TMEM205: variants seen among roughly 807,000 people sequenced by gnomAD.
The protein encoded by TMEM205 is MBC3205.
TMEM205 carries 11 observed loss-of-function variants against 17.9 expected under a neutral mutation model. The observed-to-expected ratio is 0.61, with a 90% confidence interval of 0.39 to 1.02. The LOEUF (loss-of-function observed/expected upper bound fraction) is 1.02. TMEM205 is among the 50% of genes least tolerant of loss of function. The pLI is 0.01. For missense variants in TMEM205, 236 were observed against 239.4 expected, an observed-to-expected ratio of 0.99 and a Z score of 0.09; for synonymous variants, 86 against 97.4, an observed-to-expected ratio of 0.88 and a Z score of 0.69.
At chr19:11,344,275 A>G (rs1225703746) in intron 2 of TMEM205, among the ~76,000 whole-genome samples, 2 of 151,970 alleles carry the variant, frequency 1.3e-5, no homozygotes, top group African/African-American at 4.8e-5. Context: ...TGTTTTTGCC[A>G]TTCTCACATT....
chr19:11,344,234 C>T (rs143223945), intron 2 of TMEM205, among the ~76,000 whole-genome samples: 14 of 151,982 alleles, frequency 9.2e-5, no homozygotes, highest in Admixed American at 5.3e-4. Context: ...TGAGCCACTG[C>T]GCCCAGCCTA....
At chr19:11,344,130 A>T (rs1318022918) in intron 2 of TMEM205, among the ~76,000 whole-genome samples, 1 of 151,700 alleles carries the variant, frequency 6.6e-6, no homozygotes, top group Non-Finnish European at 1.5e-5. Flanking sequence ...TTTTTAGTAG[A>T]GACGGGGTTT....
In TMEM205 at chr19:11,345,163, T is replaced by C. The variant is rs78826738; in HGVS notation, c.264+89A>G. On this transcript the variant is annotated intron_variant, in intron 2 of 2. Coordinates refer to ENST00000354882, the MANE Select transcript of TMEM205 (RefSeq NM_198536.3). ...GAGCCACCATGCCTAGCCTTTTTTT[T>C]TCCCCCCCTGGAAAAGGTGTAGCCA... is the stretch of plus-strand genomic sequence containing the variant. 9.6e-4 allele frequency: 1,363 copies of C among 1,422,862 alleles called. 4 individuals carry two copies. The African/African-American group carries it at 9.8e-3, about 10-fold the overall frequency. The allele number at this position is 1,422,862 out of a possible 1,614,324, so 88.1% of individuals were successfully genotyped here.
chr19:11,346,340 A>T (rs2144607115), upstream of TMEM205: 1 of 551,788 alleles, frequency 1.8e-6, no homozygotes, highest in South Asian at 2.2e-5. Context: ...GCACCTTTCT[A>T]TCCCGCCCTC....
chr19:11,345,929 G>A lies in TMEM205; in HGVS notation c.-310C>T. ...CAGATCATAGCCCTAGGTCTTCAGA[G>A]ATCACTCCACTAATTCCCAAATATC... On this transcript the variant is annotated 5_prime_UTR_variant, in exon 1 of 3. Coordinates refer to ENST00000354882, the MANE Select transcript of TMEM205 (RefSeq NM_198536.3). The A allele has an allele frequency of 2.9e-6, 1 of 347,664 alleles. No individual in the cohort carries two copies. The highest frequency in any genetic ancestry group is 5.4e-6 in the Non-Finnish European group (1 of 186,508). 21.5% of individuals were successfully genotyped at this position (347,664 alleles called of 1,614,324 possible).
chr19:11,343,149 GC>G, intron 2 of TMEM205, 29 bp from the exon 3 acceptor site: 1 of 1,592,918 alleles, frequency 6.3e-7, no homozygotes, highest in Non-Finnish European at 8.6e-7. Flanking sequence ...GAGAAGGTGA[GC>G]CATGCCTGGG....
rs771000606 is a variant in TMEM205 at position 11,345,340 on chromosome 19, T to C, written c.176A>G (p.His59Arg). The C allele has an allele frequency of 6.2e-6, 10 of 1,613,964 alleles. 1 individual carries two copies. The African/African-American group carries it at 1.3e-4, about 22-fold the overall frequency. Reference protein sequence around the residue: ...VQSKLFPFYFHISMGCAFINL... With the variant: ...VQSKLFPFYFRISMGCAFINL... ...GATGAAGGCACAGCCCATGGAGATG[T>C]GGAAGTAGAAGGGGAAGAGTTTGCT... is the stretch of plus-strand genomic sequence containing the variant. The change falls in exon 2 of 3, where the codon CAC (histidine) becomes CGC (arginine). Residue 59 changes from histidine (H) to arginine (R), a missense_variant. Transcript: ENST00000354882.
In TMEM205 at chr19:11,345,589, T is replaced by G; in HGVS notation, c.31A>C (p.Ile11Leu). 1 of 1,613,998 alleles carries G rather than the reference T, an allele frequency of 6.2e-7. No homozygotes were observed. The highest frequency in any genetic ancestry group is 1.3e-5 in the African/African-American group (1 of 75,018). Residue 11 changes from isoleucine (I) to leucine (L), a missense_variant, in exon 1 of 3, where the codon ATT (isoleucine) becomes CTT (leucine). Transcript: ENST00000354882. Reference sequence around the variant, plus strand: ...AAGACCAGTAGATGGACCATCTTAATCAGGCCTCCTAGGTTCCCGCCTTCC... The same window carrying G: ...AAGACCAGTAGATGGACCATCTTAAGCAGGCCTCCTAGGTTCCCGCCTTCC... The part of the protein sequence containing the change: MEEGGNLGGL[I>L]KMVHLLVLSG...
intron 2 of TMEM205, chr19:11,344,633 A>G (rs1277591538): frequency 6.6e-6 from 1 of 152,322 alleles, no homozygotes; most frequent in Non-Finnish European, 1.5e-5. Context: ...AGCTCAGCTG[A>G]GTCACCACAG....
At position 11,345,419 on chromosome 19, in the gene TMEM205, C is replaced by T. The variant is rs767462068; in HGVS notation, c.101-4G>A. On this transcript the variant is annotated splice_polypyrimidine_tract_variant and splice_region_variant and intron_variant, in intron 1 of 2. Coordinates refer to ENST00000354882, the MANE Select transcript of TMEM205 (RefSeq NM_198536.3). ...AGGCTTCGGAAAAGCAGGAAGCCTG[C>T]AGGGTATGGGGACCACAGGGGTGTT... The T allele has an allele frequency of 1.4e-5, 23 of 1,614,002 alleles. No individual in the cohort carries two copies. Among genetic ancestry groups the T allele is most frequent in the Non-Finnish European group, 1.9e-5 (23 of 1,180,006 alleles).
intron 2 of TMEM205, 87 bp from the exon 3 acceptor site, chr19:11,343,207 C>T: frequency 1.0e-6 from 1 of 977,548 alleles, no homozygotes. Context: ...CTCAACAGCA[C>T]AGGGGTGGGG....
intron 2 of TMEM205, among the ~76,000 whole-genome samples, chr19:11,343,465 T>C (rs543939368): frequency 3.0e-4 from 46 of 152,262 alleles, no homozygotes; most frequent in Non-Finnish European, 5.0e-4. Flanking sequence ...GAAGCTGACA[T>C]TGGACCCACA....
In TMEM205 at chr19:11,345,770, A is replaced by T; in HGVS notation, c.-151T>A. On this transcript the variant is annotated 5_prime_UTR_variant, in exon 1 of 3. Coordinates refer to ENST00000354882, the MANE Select transcript of TMEM205 (RefSeq NM_198536.3). ...AGCATCCCGGGAATGAGAGTGAGAA[A>T]GGCCCAAAGCAGTCAAGGCCCAAAG... The T allele has an allele frequency of 7.0e-7, 1 of 1,425,660 alleles. No homozygotes were observed. 88.3% of individuals were successfully genotyped at this position (1,425,660 alleles called of 1,614,324 possible).
At position 11,345,527 on chromosome 19, in the gene TMEM205, G is replaced by A. The variant is rs774542572; in HGVS notation, c.93C>T (p.Phe31=). The A allele has an allele frequency of 1.2e-6, 2 of 1,614,102 alleles. No individual in the cohort carries two copies. The highest frequency in any genetic ancestry group is 8.5e-7 in the Non-Finnish European group (1 of 1,180,014). The change falls in exon 1 of 3, where the codon TTC becomes TTT. Residue 31 remains phenylalanine (F), a synonymous_variant. Coordinates refer to ENST00000354882, the MANE Select transcript of TMEM205 (RefSeq NM_198536.3). ...GAWGMQMWVT[F]VSGFLLFRSL... is the part of the protein sequence containing the mutation. ...CAAGCTGAGGGTCCCTACCTGAGAC[G>A]AAGGTCACCCACATTTGCATGCCCC... is the stretch of plus-strand genomic sequence containing the variant.
At position 11,342,921 on chromosome 19, in the gene TMEM205, T is replaced by C. The variant is rs1216600554; in HGVS notation, c.464A>G (p.Gln155Arg). 1 of 1,614,204 alleles carries C rather than the reference T, an allele frequency of 6.2e-7. No individual in the cohort carries two copies. Among genetic ancestry groups the C allele is most frequent in the East Asian group, 2.2e-5 (1 of 44,882 alleles). The part of the protein sequence containing the change: ...EKDPKYSALR[Q>R]NFFRYHGLSS... Reference sequence around the variant, plus strand: ...CAGCCCATGGTAGCGGAAGAAATTCTGGCGGAGAGCACTGTACTTGGGGTC... The same window carrying C: ...CAGCCCATGGTAGCGGAAGAAATTCCGGCGGAGAGCACTGTACTTGGGGTC... Residue 155 changes from glutamine to arginine, a missense_variant, in exon 3 of 3, where the codon CAG (glutamine) becomes CGG (arginine). By Grantham distance (43) the Gln-to-Arg change is conservative (BLOSUM62 1). Transcript: ENST00000354882.
At chr19:11,343,935 C>G (rs552069231) in intron 2 of TMEM205, among the ~76,000 whole-genome samples, 1 of 150,094 alleles carries the variant, frequency 6.7e-6, no homozygotes, top group Non-Finnish European at 1.5e-5. Context: ...AGCAAAGACC[C>G]TCATCTTTTT....
Position 11,346,233 on chromosome 19 carries a change from A to G in TMEM205, c.-614T>C, listed in dbSNP as rs1172918202. ...CTCACTCCCACGCCCCCGGGTGGAC[A>G]GCGACCCTCCTCGGCCGCGTCCCCT... On this transcript the variant is annotated 5_prime_UTR_variant, in exon 1 of 3. Transcript: ENST00000354882. 1 of 324,808 alleles carries G rather than the reference A, an allele frequency of 3.1e-6. No individual in the cohort carries two copies. The highest frequency in any genetic ancestry group is 5.7e-6 in the Non-Finnish European group (1 of 174,444). 20.1% of individuals were successfully genotyped at this position (324,808 alleles called of 1,614,324 possible). A position where few individuals can be genotyped will look rare whatever the true frequency, so the allele number is the denominator to read the frequency against.
rs754760077 is a variant in TMEM205, at chr19:11,343,094, C to A, written c.291G>T (p.Thr97=). ...GCCAGCGGGCGTTGACAGTGGCCAG[C>A]GTAAGGCTCAGGAACAGCAGGTAAA... ...SQLYLLFLSL[T]LATVNARWLE... The change falls in exon 3 of 3, where the codon ACG becomes ACT. Residue 97 remains threonine, a synonymous_variant. Coordinates refer to ENST00000354882, the MANE Select transcript of TMEM205 (RefSeq NM_198536.3). 3.1e-6 allele frequency: 5 copies of A among 1,612,866 alleles called. No homozygotes were observed. In the East Asian group the frequency reaches 1.1e-4, roughly 36 times the overall value.
At chr19:11,346,294 C>A (rs1967229020), upstream of TMEM205, 3 of 455,000 alleles carry the variant, frequency 6.6e-6, no homozygotes, top group East Asian at 9.1e-5. Flanking sequence ...CGTCCCGCCT[C>A]CCAGCTGAGC....
Sources: gnomAD v4.1 joint callset for allele counts (sites outside exome capture counted in the v4.1 genomes callset) on GRCh38, gnomAD v4.1.1 for gene constraint, MANE v1.5 for transcripts, NCBI Gene and HGNC (gene_info 2026-07-23, HGNC 2026-07-21) for gene names.